Variants in GRM5 observed in about 807,000 individuals in gnomAD.
GRM5 encodes metabotropic glutamate receptor 5.
Under a neutral mutation model 83.1 loss-of-function variants are expected in GRM5, and 19 were observed. That is an observed-to-expected ratio of 0.23 (90% CI 0.16 to 0.34). The LOEUF is 0.34. Ranked by LOEUF, GRM5 falls within the 10% of genes least tolerant of loss-of-function variation. GRM5 has a pLI of 1.00. For synonymous variants in GRM5, 675 were observed against 633.6 expected, an observed-to-expected ratio of 1.07 and a Z score of -0.98; for missense variants, 1,160 against 1,588.3, an observed-to-expected ratio of 0.73 and a Z score of 4.58.
chr11:88,556,363 C>G (rs1039957923), intron 8 of GRM5, among the ~76,000 whole-genome samples: 4 of 149,132 alleles, frequency 2.7e-5, no homozygotes, highest in Non-Finnish European at 5.9e-5. Context: ...TGCTCTGTCA[C>G]CTAGGCTGGA....
intron 2 of GRM5, among the ~76,000 whole-genome samples, chr11:88,970,299 C>T (rs564170395): frequency 2.0e-5 from 3 of 152,088 alleles, no homozygotes; most frequent in Non-Finnish European, 2.9e-5. Flanking sequence ...GCATAACTTA[C>T]GAAGCTCTGC....
At chr11:88,536,422 A>G (rs900391254) in intron 8 of GRM5, among the ~76,000 whole-genome samples, 3 of 152,282 alleles carry the variant, frequency 2.0e-5, no homozygotes, top group Non-Finnish European at 4.4e-5. Context: ...GAGACCAGTT[A>G]TAGCAAATTT....
intron 2 of GRM5, among the ~76,000 whole-genome samples, chr11:88,986,351 G>A (rs890107955): frequency 8.5e-5 from 13 of 152,176 alleles, no homozygotes; most frequent in African/African-American, 2.9e-4. Context: ...AAGAGAAAAT[G>A]GAGGAAGTGG....
rs373500675 is a variant in GRM5 at position 88,946,760 on chromosome 11, A to T, written c.662-96605T>A. Among the ~76,000 whole-genome samples, 55 of 152,200 alleles carry T rather than the reference A, an allele frequency of 3.6e-4. No individual in the cohort carries two copies. In the East Asian group the frequency reaches 8.3e-3, roughly 23 times the overall value. On this transcript the variant is annotated intron_variant, in intron 2 of 9. Coordinates refer to ENST00000305447, the MANE Select transcript of GRM5 (RefSeq NM_001143831.3). ...AATCAATTATTTTAGAGACCAAATT[A>T]CGTTTTGCGTTTTTGACATTTTCAG... is the stretch of plus-strand genomic sequence containing the variant.
At chr11:88,932,347 C>T (rs1401792585) in intron 2 of GRM5, among the ~76,000 whole-genome samples, 1 of 151,896 alleles carries the variant, frequency 6.6e-6, no homozygotes, top group Admixed American at 6.6e-5. Flanking sequence ...ACATAAATGC[C>T]TAACAACAGT....
At chr11:88,828,671 CATT>C (rs1943935110) in intron 3 of GRM5, among the ~76,000 whole-genome samples, 1 of 151,978 alleles carries the variant, frequency 6.6e-6, no homozygotes, top group African/African-American at 2.4e-5. Flanking sequence ...AAAATAGTAT[CATT>C]AGTATAAGGA....
chr11:88,914,030 G>C (rs565952552), intron 2 of GRM5, among the ~76,000 whole-genome samples: 1 of 152,218 alleles, frequency 6.6e-6, no homozygotes, highest in South Asian at 2.1e-4. Context: ...ATCTTCATTT[G>C]AATCATATGG....
intron 3 of GRM5, among the ~76,000 whole-genome samples, chr11:88,846,465 A>G (rs190886526): frequency 2.9e-4 from 44 of 152,326 alleles, no homozygotes; most frequent in African/African-American, 1.0e-3. Context: ...CCTAGTGGTG[A>G]GGTGTGTATC....
chr11:88,805,651 T>G (rs1943487011), intron 3 of GRM5, among the ~76,000 whole-genome samples: 1 of 152,224 alleles, frequency 6.6e-6, no homozygotes, highest in Non-Finnish European at 1.5e-5. Flanking sequence ...ATCTTCACTC[T>G]TCTAATCAAG....
intron 4 of GRM5, among the ~76,000 whole-genome samples, chr11:88,651,881 T>C (rs936906251): frequency 2.0e-5 from 3 of 152,096 alleles, no homozygotes; most frequent in Non-Finnish European, 2.9e-5. Flanking sequence ...CACCATTGAC[T>C]ATCTCCATCA....
chr11:88,816,840 C>A (rs1943699548), intron 3 of GRM5, among the ~76,000 whole-genome samples: 1 of 148,996 alleles, frequency 6.7e-6, no homozygotes, highest in Non-Finnish European at 1.5e-5. Flanking sequence ...TTAAATGGAT[C>A]ATAAAAAAAC....
At chr11:88,509,756 G>A (rs1941311249) in intron 9 of GRM5, among the ~76,000 whole-genome samples, 1 of 152,184 alleles carries the variant, frequency 6.6e-6, no homozygotes, top group South Asian at 2.1e-4. Flanking sequence ...TGTCAAAGGG[G>A]ATGCTTGTCA....
chr11:88,744,021 A>G (rs562874818), intron 3 of GRM5, among the ~76,000 whole-genome samples: 5 of 152,296 alleles, frequency 3.3e-5, no homozygotes, highest in African/African-American at 1.2e-4. Flanking sequence ...CTGTCCACAG[A>G]TTTGTGAAGT....
At chr11:89,051,166 G>A (rs1324358825) in intron 1 of GRM5, among the ~76,000 whole-genome samples, 5 of 152,016 alleles carry the variant, frequency 3.3e-5, no homozygotes, top group African/African-American at 7.2e-5. Context: ...TGAAGCAGGA[G>A]AATGGCGTGA....
intron 9 of GRM5, among the ~76,000 whole-genome samples, chr11:88,520,816 C>A (rs1456368975): frequency 6.6e-6 from 1 of 152,146 alleles, no homozygotes; most frequent in East Asian, 1.9e-4. Flanking sequence ...TGACTCTTAC[C>A]AAATTCTCCA....
At chr11:88,733,200 C>T (rs2135408529) in intron 3 of GRM5, among the ~76,000 whole-genome samples, 1 of 152,028 alleles carries the variant, frequency 6.6e-6, no homozygotes, top group East Asian at 1.9e-4. Context: ...AAAATGGAAA[C>T]AAATTCAGCT....
intron 7 of GRM5, among the ~76,000 whole-genome samples, chr11:88,571,744 G>C (rs1232396640): frequency 6.6e-6 from 1 of 152,184 alleles, no homozygotes; most frequent in Non-Finnish European, 1.5e-5. Context: ...ACTCCAAGAT[G>C]TAATCATCCT....
chr11:89,010,638 T>C (rs1293034257), intron 2 of GRM5, among the ~76,000 whole-genome samples: 1 of 151,740 alleles, frequency 6.6e-6, no homozygotes, highest in African/African-American at 2.4e-5. Context: ...CATGTTATTC[T>C]TAAAGGGAGT....
intron 2 of GRM5, among the ~76,000 whole-genome samples, chr11:88,889,125 A>C (rs1945094950): frequency 6.6e-6 from 1 of 152,266 alleles, no homozygotes; most frequent in South Asian, 2.1e-4. Flanking sequence ...ACTAATCTTG[A>C]GGGCTAAGTT....
Sources: allele counts gnomAD v4.1 joint callset (sites outside exome capture counted in the v4.1 genomes callset), GRCh38; gene constraint gnomAD v4.1.1; transcripts MANE v1.5; gene names NCBI Gene and HGNC (gene_info 2026-07-23, HGNC 2026-07-21).